The following RTN3 variants were observed in gnomAD, a reference collection of about 807,000 sequenced individuals.
RTN3 encodes reticulon-3.
A neutral mutation model predicts 77.8 loss-of-function variants in RTN3; 49 were observed. The ratio of observed to expected loss-of-function variants is 0.63; its 90% CI spans 0.50 to 0.80. The LOEUF (loss-of-function observed/expected upper bound fraction) is 0.80, where lower values mean the gene tolerates loss of function less well. RTN3 is among the 30% of genes least tolerant of loss of function. The pLI is 0.00. For missense variants in RTN3, 1,236 were observed against 1,211.9 expected, an observed-to-expected ratio of 1.02 and a Z score of -0.29; for synonymous variants, 464 against 446.9, an observed-to-expected ratio of 1.04 and a Z score of -0.48.
At chr11:63,710,319 C>A (rs979911249) in intron 2 of RTN3, among the ~76,000 whole-genome samples, 4 of 152,066 alleles carry the variant, frequency 2.6e-5, no homozygotes, top group African/African-American at 9.7e-5. Context: ...GCGGGCACCA[C>A]TGTGCCCAGT....
intron 2 of RTN3, among the ~76,000 whole-genome samples, chr11:63,713,291 AT>A (rs761180688): frequency 2.6e-5 from 4 of 151,984 alleles, no homozygotes; most frequent in Non-Finnish European, 4.4e-5. Flanking sequence ...GGGATATGAC[AT>A]TTTTTACCTC....
At chr11:63,686,252 C>T (rs866461680) in intron 1 of RTN3, among the ~76,000 whole-genome samples, 6 of 152,052 alleles carry the variant, frequency 3.9e-5, no homozygotes, top group East Asian at 1.9e-4. Context: ...AGGCGGATCA[C>T]GAGGTCAGGA....
chr11:63,743,407 C>CT (rs1319174788), intron 3 of RTN3, among the ~76,000 whole-genome samples: 1 of 152,082 alleles, frequency 6.6e-6, no homozygotes, highest in Admixed American at 6.6e-5. Context: ...TTCTCAAATG[C>CT]TTTTTTCTGT....
chr11:63,686,138 A>G (rs1941356943), intron 1 of RTN3, among the ~76,000 whole-genome samples: 2 of 152,194 alleles, frequency 1.3e-5, no homozygotes, highest in Non-Finnish European at 2.9e-5. Context: ...TCTGAACTTT[A>G]AAAGTACTTT....
intron 2 of RTN3, 37 bp from the exon 3 acceptor site, chr11:63,718,665 T>C: frequency 1.3e-6 from 2 of 1,493,772 alleles, no homozygotes; most frequent in Non-Finnish European, 1.8e-6. Flanking sequence ...TAATTGTACC[T>C]GGTAAACAAT....
chr11:63,685,495 C>CAAAAAAAAAAAAAAAAAAAAAAAAAAAAA (rs55888863), intron 1 of RTN3, among the ~76,000 whole-genome samples: 16 of 115,654 alleles, frequency 1.4e-4, no homozygotes, highest in African/African-American at 4.5e-4. Context: ...GACTCCATCT[C>CAAAAAAAAAAAAAAAAAAAAAAAAAAAAA]AAAAAAAAAA....
At chr11:63,695,826 G>T (rs889187109) in intron 1 of RTN3, among the ~76,000 whole-genome samples, 3 of 152,184 alleles carry the variant, frequency 2.0e-5, no homozygotes, top group African/African-American at 7.2e-5. Flanking sequence ...TGGTATCCTG[G>T]ATAGGATCTT....
rs1446315267 is a variant in RTN3, at chr11:63,695,414, G to A, written c.143-9437G>A. 2.6e-5 allele frequency among the ~76,000 whole-genome samples: 4 copies of A among 152,076 alleles called. No homozygotes were observed. In the East Asian group the frequency reaches 5.8e-4, roughly 22 times the overall value. On this transcript the variant is annotated intron_variant, in intron 1 of 8. Transcript: ENST00000377819. ...GCCAGTTTATGTAGATTCTCCCCTC[G>A]AGGAGGTGGAGCTTAACTCCTCCAC... is the stretch of plus-strand genomic sequence containing the variant.
In RTN3 at chr11:63,719,666, T is replaced by G; in HGVS notation, c.1164T>G (p.Pro388=). The G allele has an allele frequency of 6.2e-7, 1 of 1,614,124 alleles. No homozygotes were observed. Among genetic ancestry groups the G allele is most frequent in the Admixed American group, 1.7e-5 (1 of 60,026 alleles). The change falls in exon 3 of 9, where the codon CCT becomes CCG. Residue 388 remains proline (P), a synonymous_variant. Coordinates refer to ENST00000377819, the MANE Select transcript of RTN3 (RefSeq NM_001265589.2). ...NLKTSTHQKT[P]VCSIDGSTPI... ...AAACTAGCACTCATCAGAAAACTCCTGTATGTTCTATTGATGGGAGCACTC... is the reference window on the plus strand; with the variant it reads ...AAACTAGCACTCATCAGAAAACTCCGGTATGTTCTATTGATGGGAGCACTC...
At chr11:63,690,341 G>A (rs1255409726) in intron 1 of RTN3, among the ~76,000 whole-genome samples, 1 of 152,172 alleles carries the variant, frequency 6.6e-6, no homozygotes, top group Non-Finnish European at 1.5e-5. Flanking sequence ...ACTGCTTTAT[G>A]ATTTAAGTTG....
chr11:63,726,415 A>G (rs1306210059), intron 3 of RTN3, among the ~76,000 whole-genome samples: 1 of 152,246 alleles, frequency 6.6e-6, no homozygotes, highest in Non-Finnish European at 1.5e-5. Flanking sequence ...CCACTGAGTC[A>G]GTGGAATGTA....
chr11:63,749,865 A>C, intron 3 of RTN3, 126 bp from the exon 4 acceptor site: 1 of 740,324 alleles, frequency 1.4e-6, no homozygotes. Context: ...CTTTAAAAAA[A>C]CAAAACCAGA....
chr11:63,689,978 G>A (rs1252429302), intron 1 of RTN3, among the ~76,000 whole-genome samples: 5 of 152,012 alleles, frequency 3.3e-5, no homozygotes, highest in South Asian at 4.2e-4. Context: ...GGCTGGTCCC[G>A]AACTCCTGAC....
At chr11:63,710,644 T>G (rs574529906) in intron 2 of RTN3, among the ~76,000 whole-genome samples, 1 of 152,222 alleles carries the variant, frequency 6.6e-6, no homozygotes, top group South Asian at 2.1e-4. Context: ...CCTGTGGGAT[T>G]TTTATGGGAC....
chr11:63,706,602 A>G (rs1942505070), intron 2 of RTN3, among the ~76,000 whole-genome samples: 2 of 152,088 alleles, frequency 1.3e-5, no homozygotes, highest in Non-Finnish European at 2.9e-5. Context: ...CCAAATAATG[A>G]CCTCTGAAAT....
At chr11:63,705,345 T>TGG (rs1157129253) in intron 2 of RTN3, among the ~76,000 whole-genome samples, 1 of 152,048 alleles carries the variant, frequency 6.6e-6, no homozygotes, top group East Asian at 1.9e-4. Flanking sequence ...CGGGCATAGG[T>TGG]GGTGCATGCC....
chr11:63,720,938 CAG>C lies in RTN3; in HGVS notation c.2440_2441del (p.Glu814AsnfsTer3), dbSNP rs752853917. The C allele has an allele frequency of 6.2e-7, 1 of 1,614,102 alleles. No homozygotes were observed. Among genetic ancestry groups the C allele is most frequent in the African/African-American group, 1.3e-5 (1 of 75,054 alleles). On this transcript the variant is annotated frameshift_variant, in exon 3 of 9. Transcript: ENST00000377819. LOFTEE classifies it high-confidence loss of function. ...LGISQKPITI[R>X]ETTRVDAVSS... ...GGATTTCCCAGAAGCCCATCACTATCAGAGAAACTACTAGGGTAGATGCTGTT... is the reference window on the plus strand; with the variant it reads ...GGATTTCCCAGAAGCCCATCACTATCAGAAACTACTAGGGTAGATGCTGTT...
Position 63,747,079 on chromosome 11 carries a change from C to A in RTN3, c.2531-2912C>A, listed in dbSNP as rs886940885. Reference sequence around the variant, plus strand: ...CACTGACATTTTTGAAGACTATAGGCCAGTTGTTTTGTAGAATATTTCTCA... The same window carrying A: ...CACTGACATTTTTGAAGACTATAGGACAGTTGTTTTGTAGAATATTTCTCA... On this transcript the variant is annotated intron_variant, in intron 3 of 8. Transcript: ENST00000377819. The A allele has an allele frequency of 1.5e-4, 65 of 444,944 alleles. No individual in the cohort carries two copies. In the Admixed American group the frequency reaches 1.6e-3, roughly 11 times the overall value. 27.6% of individuals were successfully genotyped at this position (444,944 alleles called of 1,614,324 possible). A position where few individuals can be genotyped will look rare whatever the true frequency, so the allele number is the denominator to read the frequency against.
intron 2 of RTN3, among the ~76,000 whole-genome samples, chr11:63,717,086 C>A (rs1417486694): frequency 6.6e-6 from 1 of 151,596 alleles, no homozygotes; most frequent in East Asian, 1.9e-4. Flanking sequence ...TAGCTTGAGG[C>A]CAGGAGGTCA....
Sources: gnomAD v4.1 joint callset for allele counts (sites outside exome capture counted in the v4.1 genomes callset) on GRCh38, gnomAD v4.1.1 for gene constraint, MANE v1.5 for transcripts, NCBI Gene and HGNC (gene_info 2026-07-23, HGNC 2026-07-21) for gene names.